Variants in DPP6 observed in about 807,000 individuals in gnomAD.
DPP6 encodes A-type potassium channel modulatory protein DPP6.
In DPP6, 69 loss-of-function variants were observed where a neutral mutation model predicts 122.6. That is an observed-to-expected ratio of 0.56 (90% CI 0.46 to 0.69). The LOEUF (loss-of-function observed/expected upper bound fraction) is 0.69. DPP6 is among the 30% of genes least tolerant of loss of function. DPP6 has a pLI of 0.00. For missense variants in DPP6, 928 were observed against 1,116.9 expected (o/e 0.83, Z 2.41); for synonymous variants, 418 against 433.1 (o/e 0.97, Z 0.43).
intron 1 of DPP6, among the ~76,000 whole-genome samples, chr7:154,144,179 T>C (rs1795979884): frequency 6.6e-6 from 1 of 152,230 alleles, no homozygotes; most frequent in African/African-American, 2.4e-5. Context: ...GACCTTTTTC[T>C]CTTGCCTCTT....
intron 1 of DPP6, among the ~76,000 whole-genome samples, chr7:154,440,362 C>T (rs1427246696): frequency 6.6e-6 from 1 of 152,134 alleles, no homozygotes; most frequent in East Asian, 1.9e-4. Flanking sequence ...GCAAAAGCAC[C>T]CCGGAAGTAC....
At chr7:154,577,260 GT>G (rs1359524365) in intron 5 of DPP6, among the ~76,000 whole-genome samples, 1 of 152,026 alleles carries the variant, frequency 6.6e-6, no homozygotes, top group African/African-American at 2.4e-5. Flanking sequence ...ATCTTGCAGC[GT>G]TTAGAACATG....
the DPP6 span, among the ~76,000 whole-genome samples, chr7:153,815,367 A>T: frequency 1.3e-5 from 2 of 150,794 alleles, no homozygotes; most frequent in Non-Finnish European, 3.0e-5. Context: ...TGGTGAGGAA[A>T]TTTTTTTTTT....
intron 7 of DPP6, among the ~76,000 whole-genome samples, chr7:154,710,931 T>G (rs1841138933): frequency 2.0e-5 from 3 of 152,228 alleles, no homozygotes; most frequent in Admixed American, 1.3e-4. Flanking sequence ...GCCCTATAAA[T>G]TATGTTCTAT....
At chr7:154,777,741 C>T (rs1232738755) in intron 10 of DPP6, among the ~76,000 whole-genome samples, 1 of 152,028 alleles carries the variant, frequency 6.6e-6, no homozygotes, top group Non-Finnish European at 1.5e-5. Flanking sequence ...CTGCTCTTCT[C>T]CTGATTCCCT....
At chr7:153,943,461 CT>C (rs1563032868) in intron 1 of DPP6, among the ~76,000 whole-genome samples, 1 of 152,204 alleles carries the variant, frequency 6.6e-6, no homozygotes, top group Non-Finnish European at 1.5e-5. Context: ...GTAGAGCCCT[CT>C]TTTTTGTCCT....
At chr7:154,547,766 C>CT (rs967138553) in intron 4 of DPP6, among the ~76,000 whole-genome samples, 14 of 151,688 alleles carry the variant, frequency 9.2e-5, no homozygotes, top group Middle Eastern at 3.4e-3. Context: ...CTCTCTCTCT[C>CT]TTTTTTTTTC....
chr7:153,940,053 A>G (rs184197756), intron 1 of DPP6, among the ~76,000 whole-genome samples: 1 of 152,220 alleles, frequency 6.6e-6, no homozygotes, highest in Non-Finnish European at 1.5e-5. Flanking sequence ...CCTTCTCACA[A>G]GTAAAATCAT....
At chr7:154,785,852 T>A (rs576325536) in intron 10 of DPP6, among the ~76,000 whole-genome samples, 3 of 152,254 alleles carry the variant, frequency 2.0e-5, no homozygotes, top group Non-Finnish European at 4.4e-5. Flanking sequence ...CTTTTTGTTT[T>A]CCTGGAGTTT....
chr7:154,885,609 G>A (rs1337866481), intron 21 of DPP6, 24 bp from the exon 22 acceptor site: 1 of 1,554,428 alleles, frequency 6.4e-7, no homozygotes, highest in South Asian at 1.2e-5. Context: ...ACTCCTAACT[G>A]TCTTCTCTCT....
intron 1 of DPP6, among the ~76,000 whole-genome samples, chr7:154,175,924 G>A (rs1465872345): frequency 6.6e-6 from 1 of 152,056 alleles, no homozygotes; most frequent in Non-Finnish European, 1.5e-5. Flanking sequence ...CTGACCTCAA[G>A]TGACCCACCC....
chr7:154,348,676 T>G (rs1054519490), intron 1 of DPP6, among the ~76,000 whole-genome samples: 5 of 152,204 alleles, frequency 3.3e-5, no homozygotes, highest in Non-Finnish European at 5.9e-5. Flanking sequence ...GTTGCATAAT[T>G]GGAAGTTCTC....
the DPP6 span, among the ~76,000 whole-genome samples, chr7:153,776,282 GGTGGGAGGGACCTC>G: frequency 3.3e-5 from 5 of 152,136 alleles, no homozygotes; most frequent in Admixed American, 6.6e-5. Flanking sequence ...CCCCAAGTGT[GGTGGGAGGGACCTC>G]GTGGGAGGTA....
chr7:154,129,284 C>G (rs550056896), intron 1 of DPP6, among the ~76,000 whole-genome samples: 1 of 152,242 alleles, frequency 6.6e-6, no homozygotes, highest in African/African-American at 2.4e-5. Context: ...TCTAGCTAGC[C>G]TGAGTCAGTT....
intron 1 of DPP6, among the ~76,000 whole-genome samples, chr7:154,229,515 A>G (rs1370746768): frequency 6.6e-6 from 1 of 152,160 alleles, no homozygotes; most frequent in African/African-American, 2.4e-5. Context: ...GGTCCTCTTC[A>G]CTTAGAGCAT....
intron 1 of DPP6, among the ~76,000 whole-genome samples, chr7:154,351,056 G>A (rs1269026159): frequency 1.3e-5 from 2 of 152,152 alleles, no homozygotes; most frequent in South Asian, 2.1e-4. Flanking sequence ...AACATTTAAG[G>A]TGTTACCTAG....
intron 8 of DPP6, among the ~76,000 whole-genome samples, chr7:154,757,481 G>C (rs939121493): frequency 1.3e-5 from 2 of 152,236 alleles, no homozygotes; most frequent in Non-Finnish European, 2.9e-5. Flanking sequence ...AATAGTCATT[G>C]ATTTCTCTTG....
intron 2 of DPP6, among the ~76,000 whole-genome samples, chr7:154,463,066 G>A (rs1232086712): frequency 1.3e-5 from 2 of 151,788 alleles, no homozygotes; most frequent in Non-Finnish European, 2.9e-5. Context: ...GGCAGGTCGA[G>A]AAATATCATC....
At chr7:153,902,077 A>G (rs1799660218) in intron 1 of DPP6, among the ~76,000 whole-genome samples, 1 of 152,258 alleles carries the variant, frequency 6.6e-6, no homozygotes, top group South Asian at 2.1e-4. Context: ...TAGTAGAGAA[A>G]GAGAACACTT....
Sources: gnomAD v4.1 joint callset for allele counts (sites outside exome capture counted in the v4.1 genomes callset) on GRCh38, gnomAD v4.1.1 for gene constraint, MANE v1.5 for transcripts, NCBI Gene and HGNC (gene_info 2026-07-23, HGNC 2026-07-21) for gene names.